Variants in AGAP1 observed in about 807,000 individuals in gnomAD.
AGAP1 encodes the protein ArfGAP with GTPase domain, ankyrin repeat and PH domain 1.
In AGAP1, 29 loss-of-function variants were observed where a neutral mutation model predicts 105.3. The observed-to-expected ratio is 0.28, with a 90% CI of 0.21 to 0.38. The LOEUF is 0.38. Among genes scored for constraint, AGAP1 ranks in the 10% least tolerant of loss-of-function variants. The pLI, the probability that AGAP1 is intolerant of heterozygous loss-of-function variation, is 1.00. For synonymous variants in AGAP1, 509 were observed against 485.9 expected (o/e 1.05, Z -0.63); for missense variants, 998 against 1,165.1 (o/e 0.86, Z 2.09).
rs1343554830 is a variant in AGAP1, at chr2:235,714,769, T to C, written c.223-2788T>C. On this transcript the variant is annotated intron_variant, in intron 2 of 17. Transcript: ENST00000304032. The surrounding 1 kb of genome is among the most constrained non-coding windows in gnomAD (Gnocchi z 4.1). ...ACACTGTCATGCCAAATTTGTTCTC[T>C]TATATGTTTGTTTGTTTTCTTTTTT... Among the ~76,000 whole-genome samples, 1 of 152,092 alleles carries C rather than the reference T, an allele frequency of 6.6e-6. No individual in the cohort carries two copies. Among genetic ancestry groups the C allele is most frequent in the Non-Finnish European group, 1.5e-5 (1 of 68,006 alleles).
intron 1 of AGAP1, among the ~76,000 whole-genome samples, chr2:235,545,133 C>T (rs778390580): frequency 6.6e-6 from 1 of 152,136 alleles, no homozygotes. Flanking sequence ...CCATGTGGTC[C>T]ATGATATGGG....
At chr2:235,817,156 G>A (rs1958504839) in intron 9 of AGAP1, among the ~76,000 whole-genome samples, 1 of 152,076 alleles carries the variant, frequency 6.6e-6, no homozygotes, top group African/African-American at 2.4e-5. Flanking sequence ...AACAGCAACC[G>A]TGGAACTTAT....
intron 15 of AGAP1, among the ~76,000 whole-genome samples, chr2:236,043,583 C>G (rs1300688291): frequency 6.6e-6 from 1 of 151,868 alleles, no homozygotes; most frequent in Admixed American, 6.6e-5. Flanking sequence ...AAAAATTAGC[C>G]GGGCATGGTG....
chr2:235,937,420 T>C (rs1310967136), intron 12 of AGAP1, among the ~76,000 whole-genome samples: 1 of 152,230 alleles, frequency 6.6e-6, no homozygotes, highest in Non-Finnish European at 1.5e-5. Flanking sequence ...TTTGTCTCCT[T>C]AGTTCCTTCC....
chr2:235,717,734 C>A, intron 3 of AGAP1, 90 bp downstream of exon 3: 1 of 1,089,702 alleles, frequency 9.2e-7, no homozygotes, highest in South Asian at 1.5e-5. Flanking sequence ...TTTGATGTAT[C>A]ACAGGTCAAG....
chr2:235,648,736 CA>C (rs1423317643), intron 1 of AGAP1, among the ~76,000 whole-genome samples: 4 of 122,396 alleles, frequency 3.3e-5, no homozygotes, highest in Non-Finnish European at 5.2e-5. Flanking sequence ...AAAAAAAAAA[CA>C]TTAGCTGGGC....
At chr2:235,681,309 A>G (rs917831667) in intron 1 of AGAP1, among the ~76,000 whole-genome samples, 34 of 152,046 alleles carry the variant, frequency 2.2e-4, no homozygotes, top group African/African-American at 7.0e-4. Flanking sequence ...ATGCCCGGCA[A>G]TTTTAGCCCT....
chr2:235,548,791 C>T (rs1319955297), intron 1 of AGAP1, among the ~76,000 whole-genome samples: 1 of 152,182 alleles, frequency 6.6e-6, no homozygotes, highest in Non-Finnish European at 1.5e-5. Flanking sequence ...TGAGAGTGCA[C>T]CTTTCATTAC....
At chr2:235,828,277 C>G (rs747651564) in intron 9 of AGAP1, among the ~76,000 whole-genome samples, 12 of 152,194 alleles carry the variant, frequency 7.9e-5, no homozygotes, top group Non-Finnish European at 1.5e-4. Flanking sequence ...ATAAGCACCC[C>G]ATGTTGGGAA....
chr2:235,950,536 T>TG (rs2053687513), intron 12 of AGAP1, among the ~76,000 whole-genome samples: 1 of 151,732 alleles, frequency 6.6e-6, no homozygotes, highest in South Asian at 2.1e-4. Flanking sequence ...GGATGAGAGG[T>TG]GGGTGGATAG....
intron 16 of AGAP1, among the ~76,000 whole-genome samples, chr2:236,075,866 T>A (rs891044996): frequency 6.6e-6 from 1 of 152,192 alleles, no homozygotes; most frequent in African/African-American, 2.4e-5. Context: ...TGAAATTTAT[T>A]TGGAGAAGGC....
rs1224814679 is a variant in AGAP1, at chr2:235,788,709, C to A, written c.674-9050C>A. Among the ~76,000 whole-genome samples, 1 of 152,094 alleles carries A rather than the reference C, an allele frequency of 6.6e-6. No homozygotes were observed. Among genetic ancestry groups the A allele is most frequent in the South Asian group, 2.1e-4 (1 of 4,818 alleles). On this transcript the variant is annotated intron_variant, in intron 6 of 17. Transcript: ENST00000304032. The surrounding 1 kb of genome is among the most constrained non-coding windows in gnomAD (Gnocchi z 6.0). ...ACATGACCCCCGAGGGTTCTCCAGA[C>A]AGGATCATTTGGAGCCCCTTCTTTC... is the stretch of plus-strand genomic sequence containing the variant.
rs1253921451 is a variant in AGAP1 at position 236,061,542 on chromosome 2, A to G, written c.2114+12261A>G. ...CCATGGGAAGGAGTGAAGTGTGGATACAGGTTGTAACGTGGGTGAACCTCG... is the reference window on the plus strand; with the variant it reads ...CCATGGGAAGGAGTGAAGTGTGGATGCAGGTTGTAACGTGGGTGAACCTCG... On this transcript the variant is annotated intron_variant, in intron 16 of 17. Coordinates refer to ENST00000304032, the MANE Select transcript of AGAP1 (RefSeq NM_001037131.3). This position sits in a 1 kb window ranked among gnomAD's most constrained non-coding sequence, Gnocchi z 4.1. 6.6e-6 allele frequency among the ~76,000 whole-genome samples: 1 copy of G among 152,194 alleles called. No individual in the cohort carries two copies. Among genetic ancestry groups the G allele is most frequent in the Non-Finnish European group, 1.5e-5 (1 of 68,034 alleles).
rs1200953559 is a variant in AGAP1, at chr2:235,874,107, G to GA, written c.1051-9237dup. ...AGGGTCTTGCTCTGTCGCCAGGCTG[G>GA]AGTGCAGTGGCGTGATCTCAGCTCA... On this transcript the variant is annotated intron_variant, in intron 9 of 17. Transcript: ENST00000304032. The surrounding 1 kb of genome is among the most constrained non-coding windows in gnomAD (Gnocchi z 4.5). Among the ~76,000 whole-genome samples the GA allele has an allele frequency of 2.6e-5, 4 of 152,082 alleles. No individual in the cohort carries two copies. The highest frequency in any genetic ancestry group is 2.6e-4 in the Admixed American group (4 of 15,266).
chr2:235,773,352 T>C (rs1026560896), intron 6 of AGAP1, among the ~76,000 whole-genome samples: 6 of 152,178 alleles, frequency 3.9e-5, no homozygotes, highest in African/African-American at 1.4e-4. Context: ...TGGCCTACGG[T>C]CAGTCTGATT....
chr2:235,666,878 G>A (rs1948144030), intron 1 of AGAP1, among the ~76,000 whole-genome samples: 1 of 151,976 alleles, frequency 6.6e-6, no homozygotes, highest in Non-Finnish European at 1.5e-5. Context: ...CTCAGTATGT[G>A]AACATTGCCC....
intron 9 of AGAP1, among the ~76,000 whole-genome samples, chr2:235,825,543 C>T (rs1959018085): frequency 1.3e-5 from 2 of 152,190 alleles, no homozygotes; most frequent in Admixed American, 6.5e-5. Context: ...AAATCATGTG[C>T]ATTATTTCAG....
chr2:235,513,522 G>GA lies in AGAP1; in HGVS notation c.163+18698dup, dbSNP rs5839595. On this transcript the variant is annotated intron_variant, in intron 1 of 17. Transcript: ENST00000304032. ...GGCGGCAGAGCAAGACTCCGTCTCA[G>GA]AAAAAAAAAAAAAAAAAAAAAAAAA... is the stretch of plus-strand genomic sequence containing the variant. Among the ~76,000 whole-genome samples, 143 of 73,222 alleles carry GA rather than the reference G, an allele frequency of 2.0e-3. 1 individual carries two copies. Among genetic ancestry groups the GA allele is most frequent in the African/African-American group, 5.3e-3 (87 of 16,342 alleles). 48.0% of individuals were successfully genotyped at this position (73,222 alleles called of 152,430 possible). A position where few individuals can be genotyped will look rare whatever the true frequency, so the allele number is the denominator to read the frequency against.
At chr2:235,827,375 G>A (rs1959129288) in intron 9 of AGAP1, among the ~76,000 whole-genome samples, 1 of 152,154 alleles carries the variant, frequency 6.6e-6, no homozygotes, top group African/African-American at 2.4e-5. Context: ...TGAAGGGCTT[G>A]GAGCAGGAGG....
Sources: allele counts gnomAD v4.1 joint callset (sites outside exome capture counted in the v4.1 genomes callset), GRCh38; gene constraint gnomAD v4.1.1; non-coding constraint Gnocchi (gnomAD v3.1); transcripts MANE v1.5; gene names NCBI Gene and HGNC (gene_info 2026-07-23, HGNC 2026-07-21).